The following RBFOX1 variants were observed in gnomAD, a reference collection of about 807,000 sequenced individuals.
RBFOX1 encodes the protein RNA binding protein fox-1 homolog 1.
A neutral mutation model predicts 57.7 loss-of-function variants in RBFOX1; 8 were observed. That is an observed-to-expected ratio of 0.14 (90% confidence interval 0.08 to 0.25). The LOEUF (loss-of-function observed/expected upper bound fraction) is 0.25, where lower values mean the gene tolerates loss of function less well. Among genes scored for constraint, RBFOX1 ranks in the 10% least tolerant of loss-of-function variants. The pLI, the probability that RBFOX1 is intolerant of heterozygous loss-of-function variation, is 1.00. For synonymous variants in RBFOX1, 326 were observed against 222.4 expected, an observed-to-expected ratio of 1.47 and a Z score of -4.15; for missense variants, 611 against 548.5, an observed-to-expected ratio of 1.11 and a Z score of -1.14.
chr16:6,740,598 A>T (rs1196102871), intron 3 of RBFOX1, among the ~76,000 whole-genome samples: 3 of 152,202 alleles, frequency 2.0e-5, no homozygotes, highest in African/African-American at 7.2e-5. Flanking sequence ...CTTACAGTAA[A>T]CAGATAAAAG....
At chr16:6,872,215 G>C (rs1475767465) in intron 3 of RBFOX1, among the ~76,000 whole-genome samples, 1 of 152,142 alleles carries the variant, frequency 6.6e-6, no homozygotes, top group African/African-American at 2.4e-5. Context: ...CTAGCATGGA[G>C]ACCAGCACAT....
intron 3 of RBFOX1, among the ~76,000 whole-genome samples, chr16:6,664,968 C>G (rs1330691915): frequency 1.3e-5 from 2 of 152,166 alleles, no homozygotes; most frequent in East Asian, 1.9e-4. Flanking sequence ...GCATCCCATG[C>G]ACTGTTCTTG....
intron 1 of RBFOX1, among the ~76,000 whole-genome samples, chr16:5,305,963 A>G (rs955928209): frequency 6.6e-6 from 1 of 152,206 alleles, no homozygotes; most frequent in African/African-American, 2.4e-5. Context: ...GGCCGGAGGC[A>G]GCAGGATTGC....
At chr16:5,270,362 G>C in intron 1 of RBFOX1, 1 of 1,171,744 alleles carries the variant, frequency 8.5e-7, no homozygotes, top group Non-Finnish European at 1.3e-6. Flanking sequence ...TGGTCTCAAG[G>C]GTCTTGTGTT....
At position 6,983,904 on chromosome 16, in the gene RBFOX1, A is replaced by T. The variant is rs117868885; in HGVS notation, c.-15-68153A>T. On this transcript the variant is annotated intron_variant, in intron 3 of 15. Coordinates refer to ENST00000550418, the MANE Select transcript of RBFOX1 (RefSeq NM_018723.4). ...GACAAGGTGTTGTGTGACTCTTAGC[A>T]TGTAGTAATGTGTCATAAGAGCACA... Among the ~76,000 whole-genome samples, 7 of 152,258 alleles carry T rather than the reference A, an allele frequency of 4.6e-5. No homozygotes were observed. In the East Asian group the frequency reaches 9.7e-4, roughly 21 times the overall value.
chr16:7,710,027 A>G, intron 15 of RBFOX1: 1 of 1,003,382 alleles, frequency 1.0e-6, no homozygotes, highest in Non-Finnish European at 1.2e-6. Context: ...CATTAAAACC[A>G]TGGCCGGACA....
intron 3 of RBFOX1, among the ~76,000 whole-genome samples, chr16:6,908,191 G>C (rs149914809): frequency 1.7e-4 from 26 of 151,696 alleles, no homozygotes; most frequent in African/African-American, 5.8e-4. Flanking sequence ...GTGCAGTTCA[G>C]ATTATTACCT....
intron 3 of RBFOX1, among the ~76,000 whole-genome samples, chr16:5,725,797 A>G (rs972843): frequency 6.6e-6 from 1 of 151,290 alleles, no homozygotes; most frequent in African/African-American, 2.4e-5. Flanking sequence ...CCCTCTCCCC[A>G]CTCAGGGCTG....
At chr16:5,437,782 A>C (rs1320652070) in intron 1 of RBFOX1, among the ~76,000 whole-genome samples, 74 of 152,206 alleles carry the variant, frequency 4.9e-4, no homozygotes, top group Non-Finnish European at 1.0e-3. Flanking sequence ...GTTATTTCTT[A>C]TACTCTGTAT....
chr16:5,906,590 C>A (rs932680988), intron 4 of RBFOX1, among the ~76,000 whole-genome samples: 1 of 152,092 alleles, frequency 6.6e-6, no homozygotes, highest in Non-Finnish European at 1.5e-5. Context: ...CGAATACTTG[C>A]AGGAAGGCTC....
chr16:6,649,743 G>C (rs1008521343), intron 2 of RBFOX1, among the ~76,000 whole-genome samples: 2 of 152,052 alleles, frequency 1.3e-5, no homozygotes, highest in African/African-American at 4.8e-5. Context: ...TGTTGGGGAA[G>C]TATTTTATTA....
Position 7,430,549 on chromosome 16 carries a change from C to G in RBFOX1, c.28-87598C>G, listed in dbSNP as rs577463998. Among the ~76,000 whole-genome samples, 7 of 151,938 alleles carry G rather than the reference C, an allele frequency of 4.6e-5. No homozygotes were observed. In the East Asian group the frequency reaches 1.4e-3, roughly 30 times the overall value. On this transcript the variant is annotated intron_variant, in intron 4 of 15. Coordinates refer to ENST00000550418, the MANE Select transcript of RBFOX1 (RefSeq NM_018723.4). ...TGGTGGCACGTGCCTGTAGTCCCAGCTACTCGAGAGGCTGAGGCAGAAGAA... is the reference window on the plus strand; with the variant it reads ...TGGTGGCACGTGCCTGTAGTCCCAGGTACTCGAGAGGCTGAGGCAGAAGAA...
intron 1 of RBFOX1, among the ~76,000 whole-genome samples, chr16:6,068,762 A>C (rs1348661916): frequency 6.6e-6 from 1 of 152,180 alleles, no homozygotes; most frequent in Non-Finnish European, 1.5e-5. Flanking sequence ...CATATAGCTT[A>C]GAAGCTGTAT....
intron 3 of RBFOX1, among the ~76,000 whole-genome samples, chr16:6,933,407 A>G (rs931419778): frequency 8.5e-5 from 13 of 152,304 alleles, no homozygotes; most frequent in Admixed American, 2.6e-4. Context: ...CTTATATTCA[A>G]TTTTCAGAAA....
chr16:6,317,014 A>T lies in RBFOX1; in HGVS notation c.-107A>T. ...CTTTAGGAAACTGGTCAAAGAACTC[A>T]TGCAAGTGGAACTTACAGCTTCCTT... On this transcript the variant is annotated 5_prime_UTR_variant, in exon 2 of 16. An upstream start codon of the reference 5' UTR is lost. Transcript: ENST00000550418. 6.5e-7 allele frequency: 1 copy of T among 1,535,524 alleles called. No homozygotes were observed. Among genetic ancestry groups the T allele is most frequent in the Admixed American group, 2.0e-5 (1 of 50,992 alleles).
At chr16:7,158,672 ATG>A (rs1174140462) in intron 4 of RBFOX1, among the ~76,000 whole-genome samples, 3 of 144,780 alleles carry the variant, frequency 2.1e-5, no homozygotes, top group African/African-American at 7.5e-5. Flanking sequence ...GCACGCACGT[ATG>A]TGTGTATGGT....
At chr16:7,047,223 A>G (rs774250095) in intron 3 of RBFOX1, among the ~76,000 whole-genome samples, 3 of 151,840 alleles carry the variant, frequency 2.0e-5, no homozygotes, top group Non-Finnish European at 4.4e-5. Flanking sequence ...TCCTATAGCG[A>G]TTATTTTAGG....
intron 4 of RBFOX1, among the ~76,000 whole-genome samples, chr16:5,982,977 A>G (rs2060203177): frequency 6.6e-6 from 1 of 151,786 alleles, no homozygotes; most frequent in Non-Finnish European, 1.5e-5. Flanking sequence ...TCCAGTTACC[A>G]CTCCCTCTCT....
At chr16:5,579,217 G>A (rs922782693) in intron 2 of RBFOX1, among the ~76,000 whole-genome samples, 3 of 152,050 alleles carry the variant, frequency 2.0e-5, no homozygotes, top group African/African-American at 7.2e-5. Context: ...ACTTCCACTA[G>A]GATCGCCAGG....
Sources: allele counts gnomAD v4.1 joint callset (sites outside exome capture counted in the v4.1 genomes callset), GRCh38; gene constraint gnomAD v4.1.1; transcripts MANE v1.5; gene names NCBI Gene and HGNC (gene_info 2026-07-23, HGNC 2026-07-21).